The following MYO5B variants were observed in gnomAD, a reference collection of about 807,000 sequenced individuals.
MYO5B encodes the protein unconventional myosin-Vb.
MYO5B carries 143 observed loss-of-function variants against 229.3 expected under a neutral mutation model. That is an observed-to-expected ratio of 0.62 (90% CI 0.54 to 0.72). The LOEUF is 0.72. MYO5B is among the 30% of genes least tolerant of loss of function. The pLI, the probability that MYO5B is intolerant of heterozygous loss-of-function variation, is 0.00. For synonymous variants in MYO5B, 918 were observed against 885.2 expected, an observed-to-expected ratio of 1.04 and a Z score of -0.66; for missense variants, 2,321 against 2,331.0, an observed-to-expected ratio of 1.00 and a Z score of 0.09.
chr18:49,930,514 C>T (rs1343297204), intron 16 of MYO5B, among the ~76,000 whole-genome samples: 1 of 152,134 alleles, frequency 6.6e-6, no homozygotes. Flanking sequence ...AAATTTTATA[C>T]AAGACAGTAC....
chr18:50,139,508 T>A (rs1018188082), intron 1 of MYO5B, among the ~76,000 whole-genome samples: 1 of 152,186 alleles, frequency 6.6e-6, no homozygotes, highest in African/African-American at 2.4e-5. Flanking sequence ...CTTTCTTCAT[T>A]GGCACGACTT....
intron 1 of MYO5B, among the ~76,000 whole-genome samples, chr18:50,085,321 T>C (rs184519201): frequency 0.042 from 6,457 of 152,114 alleles, 147 homozygotes; most frequent in African/African-American, 0.053. Context: ...AAAATACTCA[T>C]CATCACTGGC....
intron 36 of MYO5B, 34 bp downstream of exon 36, chr18:49,839,110 G>A: frequency 6.2e-7 from 1 of 1,611,730 alleles, no homozygotes; most frequent in Non-Finnish European, 8.5e-7. Context: ...CAGACACCAT[G>A]ATGAGTGATG....
At chr18:49,998,270 T>G (rs1003432643) in intron 5 of MYO5B, among the ~76,000 whole-genome samples, 1 of 152,192 alleles carries the variant, frequency 6.6e-6, no homozygotes, top group Non-Finnish European at 1.5e-5. Flanking sequence ...AGGACTTACA[T>G]AATTTCCAAA....
rs1350233832 is a variant in MYO5B at position 49,823,574 on chromosome 18, C to T, written c.*2897G>A. On this transcript the variant is annotated 3_prime_UTR_variant, in exon 40 of 40. Transcript: ENST00000285039. ...GTTGATTTTTAACTGTTCCAAGCTCCTAGTTTTGTTTTGTTTTTACAAAAG... is the reference window on the plus strand; with the variant it reads ...GTTGATTTTTAACTGTTCCAAGCTCTTAGTTTTGTTTTGTTTTTACAAAAG... 1 of 121,776 alleles carries T rather than the reference C, an allele frequency of 8.2e-6. No homozygotes were observed. The highest frequency in any genetic ancestry group is 1.8e-5 in the Non-Finnish European group (1 of 56,104). The allele number at this position is 121,776 out of a possible 1,614,324, so 7.5% of individuals were successfully genotyped here.
intron 1 of MYO5B, among the ~76,000 whole-genome samples, chr18:50,121,207 C>T (rs560830075): frequency 1.3e-5 from 2 of 152,324 alleles, no homozygotes; most frequent in Non-Finnish European, 1.5e-5. Flanking sequence ...GCACCATCAG[C>T]CCCCAGCGTG....
chr18:49,916,024 G>A (rs1485836047), intron 17 of MYO5B, among the ~76,000 whole-genome samples: 14 of 152,296 alleles, frequency 9.2e-5, no homozygotes, highest in Admixed American at 2.6e-4. Context: ...CGGCTTTGCT[G>A]ACCCACCCGC....
chr18:49,904,736 C>T lies in MYO5B; in HGVS notation c.2507G>A (p.Arg836His), dbSNP rs373039798. The change falls in exon 20 of 40, where the codon CGC becomes CAC. Residue 836 changes from arginine (R) to histidine (H), a missense_variant. Physicochemically the swap from Arg to His is conservative, Grantham distance 29. Coordinates refer to ENST00000285039, the MANE Select transcript of MYO5B (RefSeq NM_001080467.3). ...QRARQAYQRV[R>H]RAAVVIQAFT... ...GGCCTGGATAACAACGGCAGCTCTG[C>T]GGACCCTCTGGTAGGCCTGGCGGGC... The T allele has an allele frequency of 1.7e-5, 27 of 1,614,056 alleles. No homozygotes were observed. The highest frequency in any genetic ancestry group is 2.0e-5 in the Non-Finnish European group (24 of 1,180,042).
intron 4 of MYO5B, among the ~76,000 whole-genome samples, chr18:50,011,379 A>G (rs1225103935): frequency 6.6e-6 from 1 of 152,062 alleles, no homozygotes; most frequent in Non-Finnish European, 1.5e-5. Flanking sequence ...TTCCTTTGTG[A>G]TTATAACTGC....
chr18:49,863,402 A>T, intron 28 of MYO5B, 75 bp from the exon 29 acceptor site: 2 of 1,265,302 alleles, frequency 1.6e-6, no homozygotes, highest in Non-Finnish European at 2.3e-6. Context: ...AAACAGGTAT[A>T]AAAACATGCC....
intron 3 of MYO5B, 112 bp downstream of exon 3, chr18:50,040,031 G>A (rs1379935452): frequency 9.1e-6 from 11 of 1,208,208 alleles, no homozygotes; most frequent in Non-Finnish European, 1.2e-5. Context: ...TCAGTGGAGA[G>A]ATACTTACAA....
At chr18:50,115,579 CACACAA>C (rs2031947616) in intron 1 of MYO5B, among the ~76,000 whole-genome samples, 1 of 145,716 alleles carries the variant, frequency 6.9e-6, no homozygotes, top group Non-Finnish European at 1.5e-5. Flanking sequence ...CACACACACA[CACACAA>C]ACTGTCCCTA....
intron 17 of MYO5B, among the ~76,000 whole-genome samples, chr18:49,917,235 T>C (rs768650768): frequency 6.6e-6 from 1 of 152,216 alleles, no homozygotes; most frequent in Non-Finnish European, 1.5e-5. Flanking sequence ...ACAGCACCTA[T>C]TGTCATGGTG....
intron 18 of MYO5B, among the ~76,000 whole-genome samples, chr18:49,907,012 G>A (rs1333373352): frequency 6.6e-5 from 10 of 152,326 alleles, no homozygotes; most frequent in Admixed American, 5.9e-4. Context: ...GGAGGTGACA[G>A]CTGAGCAAAG....
intron 4 of MYO5B, among the ~76,000 whole-genome samples, chr18:50,028,518 G>C (rs909384124): frequency 2.6e-5 from 4 of 152,066 alleles, no homozygotes; most frequent in African/African-American, 4.8e-5. Context: ...GCCAGAGTGG[G>C]GGGCAAGGAC....
At chr18:50,133,680 T>G (rs1015252579) in intron 1 of MYO5B, among the ~76,000 whole-genome samples, 12 of 152,158 alleles carry the variant, frequency 7.9e-5, no homozygotes, top group Admixed American at 3.9e-4. Flanking sequence ...AAGGTGGGGC[T>G]TATACAGCAG....
chr18:50,120,662 A>G (rs945147904), intron 1 of MYO5B, among the ~76,000 whole-genome samples: 1 of 152,196 alleles, frequency 6.6e-6, no homozygotes, highest in African/African-American at 2.4e-5. Flanking sequence ...CAAGCAGGTC[A>G]TAGCTGAGCC....
rs973716394 is a variant in MYO5B at position 50,040,296 on chromosome 18, C to T, written c.157G>A (p.Asp53Asn). Reference sequence around the variant, plus strand: ...AAGGGCAGCTGGTTGCGTTGTACATCAATTGGGTATTCCAGAATCTAAAGA... The same window carrying T: ...AAGGGCAGCTGGTTGCGTTGTACATTAATTGGGTATTCCAGAATCTAAAGA... ...EDETILEYPI[D>N]VQRNQLPFLR... Residue 53 changes from aspartate to asparagine, a missense_variant, in exon 3 of 40, where the codon GAT (aspartate) becomes AAT (asparagine). This residue lies in a region of MYO5B where 2,113 missense variants were observed against 2,044.7 expected (regional missense o/e 1.03). Transcript: ENST00000285039. 5 of 1,613,890 alleles carry T rather than the reference C, an allele frequency of 3.1e-6. No homozygotes were observed. Among genetic ancestry groups the T allele is most frequent in the Non-Finnish European group, 3.4e-6 (4 of 1,180,004 alleles).
intron 7 of MYO5B, among the ~76,000 whole-genome samples, chr18:49,986,208 C>A (rs531692906): frequency 6.6e-6 from 1 of 152,184 alleles, no homozygotes; most frequent in African/African-American, 2.4e-5. Context: ...TATTATCATG[C>A]ATCAGCTCTT....
Sources: gnomAD v4.1 joint callset for allele counts (sites outside exome capture counted in the v4.1 genomes callset) on GRCh38, gnomAD v4.1.1 for gene constraint, gnomAD v4.1.1 regional missense constraint, MANE v1.5 for transcripts, NCBI Gene and HGNC (gene_info 2026-07-23, HGNC 2026-07-21) for gene names.